RTN1: variants seen among roughly 807,000 people sequenced by gnomAD.
RTN1 encodes the protein reticulon-1.
In RTN1, 25 loss-of-function variants were observed where a neutral mutation model predicts 65.5. That is an observed-to-expected ratio of 0.38 (90% CI 0.28 to 0.53). The LOEUF is 0.53. RTN1 is among the 20% of genes least tolerant of loss of function. The pLI is 0.79. For missense variants in RTN1, 983 were observed against 1,025.4 expected (o/e 0.96, Z 0.57); for synonymous variants, 471 against 447.6 (o/e 1.05, Z -0.66).
At chr14:59,808,445 G>C (rs1166488234) in intron 1 of RTN1, among the ~76,000 whole-genome samples, 1 of 152,142 alleles carries the variant, frequency 6.6e-6, no homozygotes, top group Non-Finnish European at 1.5e-5. Context: ...CTTTAAACTA[G>C]ATTCTGACCC....
At chr14:59,749,266 CTATATA>C (rs796334225) in intron 1 of RTN1, among the ~76,000 whole-genome samples, 6 of 19,828 alleles carry the variant, frequency 3.0e-4, no homozygotes, top group Non-Finnish European at 5.0e-4. Context: ...CTATATATAT[CTATATA>C]TATATCTATA....
At chr14:59,600,939 T>C (rs1427162507) in intron 8 of RTN1, among the ~76,000 whole-genome samples, 1 of 152,192 alleles carries the variant, frequency 6.6e-6, no homozygotes, top group Non-Finnish European at 1.5e-5. Flanking sequence ...TATGATAACC[T>C]CCTAGCTGAT....
Position 59,727,794 on chromosome 14 carries a change from T to A in RTN1, c.1016-126A>T. On this transcript the variant is annotated intron_variant, in intron 2 of 8. Coordinates refer to ENST00000267484, the MANE Select transcript of RTN1 (RefSeq NM_021136.3). The surrounding 1 kb of genome is among the most constrained non-coding windows in gnomAD (Gnocchi z 4.2). ...GTTTTGTCGTTGCTTGAGAAACACA[T>A]ATCTCATTAGCACAAAAATAATCTG... The A allele has an allele frequency of 7.7e-7, 1 of 1,294,002 alleles. No homozygotes were observed. Among genetic ancestry groups the A allele is most frequent in the Non-Finnish European group, 1.0e-6 (1 of 972,704 alleles). The allele number at this position is 1,294,002 out of a possible 1,614,324, so 80.2% of individuals were successfully genotyped here. A position where few individuals can be genotyped will look rare whatever the true frequency, so the allele number is the denominator to read the frequency against.
intron 3 of RTN1, among the ~76,000 whole-genome samples, chr14:59,701,605 C>A (rs1158304939): frequency 6.6e-6 from 1 of 151,888 alleles, no homozygotes; most frequent in African/African-American, 2.4e-5. Context: ...ATTCCATTAA[C>A]AGGAAATTTA....
At chr14:59,711,850 G>A (rs984052685) in intron 3 of RTN1, among the ~76,000 whole-genome samples, 1 of 152,194 alleles carries the variant, frequency 6.6e-6, no homozygotes, top group Non-Finnish European at 1.5e-5. Flanking sequence ...TTTCCAGTGC[G>A]CTCCATGCAT....
At chr14:59,608,485 AG>A (rs1324168274) in intron 3 of RTN1, among the ~76,000 whole-genome samples, 1 of 152,248 alleles carries the variant, frequency 6.6e-6, no homozygotes, top group Non-Finnish European at 1.5e-5. Context: ...ATATTGAAAA[AG>A]TCACATGCCC....
At chr14:59,788,612 C>T (rs1032005671) in intron 1 of RTN1, among the ~76,000 whole-genome samples, 7 of 151,932 alleles carry the variant, frequency 4.6e-5, no homozygotes, top group Non-Finnish European at 8.8e-5. Flanking sequence ...GTCATGTATC[C>T]GATTGTTTTT....
chr14:59,835,314 A>G (rs1394589244), intron 1 of RTN1, among the ~76,000 whole-genome samples: 25 of 152,098 alleles, frequency 1.6e-4, no homozygotes, highest in Non-Finnish European at 2.9e-5. Flanking sequence ...ATGAAAAGTG[A>G]CAGAAAAGGG....
At position 59,774,245 on chromosome 14, in the gene RTN1, G is replaced by C. The variant is rs1178845776; in HGVS notation, c.242-27764C>G. ...AAGAATGTGAATCTCTTACTAAACTGACTGTTTAACATGCTGAGTTTTTGT... is the reference window on the plus strand; with the variant it reads ...AAGAATGTGAATCTCTTACTAAACTCACTGTTTAACATGCTGAGTTTTTGT... On this transcript the variant is annotated intron_variant, in intron 1 of 8. Transcript: ENST00000267484. The surrounding 1 kb of genome is among the most constrained non-coding windows in gnomAD (Gnocchi z 5.1). 6.6e-6 allele frequency among the ~76,000 whole-genome samples: 1 copy of C among 152,128 alleles called. No homozygotes were observed. Among genetic ancestry groups the C allele is most frequent in the African/African-American group, 2.4e-5 (1 of 41,434 alleles).
chr14:59,666,297 C>G (rs1290793225), intron 3 of RTN1, among the ~76,000 whole-genome samples: 6 of 152,108 alleles, frequency 3.9e-5, no homozygotes, highest in Non-Finnish European at 1.5e-5. Context: ...CACTCAAAAC[C>G]ACACAACTAC....
In RTN1 at chr14:59,717,213, C is replaced by T. The variant is rs147587571; in HGVS notation, c.1765+9706G>A. ...AAAGAATTAGGTTTTGGGGCACATA[C>T]TCTGCTTTTGCAAGTGCTTTGTAGG... On this transcript the variant is annotated intron_variant, in intron 3 of 8. Transcript: ENST00000267484. 1.2e-3 allele frequency among the ~76,000 whole-genome samples: 184 copies of T among 152,304 alleles called. 2 individuals are homozygous for T. The highest frequency in any genetic ancestry group is 0.011 in the East Asian group (56 of 5,180).
In RTN1 at chr14:59,836,546, A is replaced by T. The variant is rs551139148; in HGVS notation, c.241+33844T>A. ...CTAAAATTTGTTGCTATTAGAAAAA[A>T]TTGATGAAACCAGGAGGGAGGACAT... On this transcript the variant is annotated intron_variant, in intron 1 of 8. Transcript: ENST00000267484. This position sits in a 1 kb window ranked among gnomAD's most constrained non-coding sequence, Gnocchi z 4.9. Among the ~76,000 whole-genome samples, 2 of 152,352 alleles carry T rather than the reference A, an allele frequency of 1.3e-5. No homozygotes were observed. Among genetic ancestry groups the T allele is most frequent in the East Asian group, 3.9e-4 (2 of 5,192 alleles).
chr14:59,863,278 C>A (rs1318972737), intron 1 of RTN1, among the ~76,000 whole-genome samples: 1 of 152,054 alleles, frequency 6.6e-6, no homozygotes, highest in Non-Finnish European at 1.5e-5. Context: ...TCCTTTATAA[C>A]AAAACTCCCC....
At chr14:59,864,703 A>G (rs971956055) in intron 1 of RTN1, among the ~76,000 whole-genome samples, 1 of 152,174 alleles carries the variant, frequency 6.6e-6, no homozygotes, top group Non-Finnish European at 1.5e-5. Context: ...AACTAATTAC[A>G]ATGGTTACCT....
At chr14:59,613,617 C>G (rs1157830122) in intron 3 of RTN1, among the ~76,000 whole-genome samples, 1 of 151,926 alleles carries the variant, frequency 6.6e-6, no homozygotes, top group African/African-American at 2.4e-5. Context: ...ATTTAAAAGG[C>G]CTTTATGTTT....
chr14:59,620,629 G>A (rs1303752065), intron 3 of RTN1, among the ~76,000 whole-genome samples: 2 of 151,916 alleles, frequency 1.3e-5, no homozygotes, highest in Non-Finnish European at 2.9e-5. Flanking sequence ...TATATTTGTG[G>A]CTTATATTAT....
At chr14:59,769,868 C>T (rs1357432224) in intron 1 of RTN1, among the ~76,000 whole-genome samples, 1 of 152,090 alleles carries the variant, frequency 6.6e-6, no homozygotes, top group East Asian at 1.9e-4. Flanking sequence ...TCTTTTCTTA[C>T]TTGTGGGACA....
chr14:59,747,429 G>C (rs971279148), intron 1 of RTN1, among the ~76,000 whole-genome samples: 1 of 152,170 alleles, frequency 6.6e-6, no homozygotes, highest in Non-Finnish European at 1.5e-5. Flanking sequence ...TGACAACATG[G>C]AGAAACTCCG....
chr14:59,764,420 A>C (rs1488034726), intron 1 of RTN1, among the ~76,000 whole-genome samples: 2 of 151,716 alleles, frequency 1.3e-5, no homozygotes, highest in East Asian at 3.9e-4. Context: ...TCCTAGGTTC[A>C]AGCAGTTCTC....
Sources: gnomAD v4.1 joint callset for allele counts (sites outside exome capture counted in the v4.1 genomes callset) on GRCh38, gnomAD v4.1.1 for gene constraint, Gnocchi (gnomAD v3.1) non-coding constraint, MANE v1.5 for transcripts, NCBI Gene and HGNC (gene_info 2026-07-23, HGNC 2026-07-21) for gene names.